The following UBFD1 variants were observed in gnomAD, a reference collection of about 807,000 sequenced individuals.
The protein encoded by UBFD1 is ubiquitin domain-containing protein UBFD1.
A neutral mutation model predicts 35.1 loss-of-function variants in UBFD1; 12 were observed. The ratio of observed to expected loss-of-function variants is 0.34; its 90% CI spans 0.22 to 0.55. UBFD1 has a LOEUF of 0.55. UBFD1 is among the 20% of genes least tolerant of loss of function. The probability of loss-of-function intolerance (pLI) is 0.89; values close to 1 mark genes in which losing one functional copy is unlikely to be tolerated. For synonymous variants in UBFD1, 178 were observed against 167.6 expected, an observed-to-expected ratio of 1.06 and a Z score of -0.48; for missense variants, 337 against 410.8, an observed-to-expected ratio of 0.82 and a Z score of 1.55.
chr16:23,566,735 C>T (rs1381403010), intron 5 of UBFD1: 3 of 383,314 alleles, frequency 7.8e-6, no homozygotes, highest in Admixed American at 4.2e-5. Context: ...TACAATTCTG[C>T]CCTCAGAGAC....
intron 4 of UBFD1, 42 bp downstream of exon 4, chr16:23,562,313 C>T (rs888714315): frequency 6.3e-6 from 10 of 1,580,292 alleles, no homozygotes; most frequent in South Asian, 1.1e-5. Context: ...AATGAGGCAG[C>T]CCCACCGTCT....
chr16:23,562,552 G>C, intron 4 of UBFD1, 73 bp from the exon 5 acceptor site: 1 of 1,413,132 alleles, frequency 7.1e-7, no homozygotes, highest in Non-Finnish European at 9.8e-7. Context: ...ACAGGCGTGA[G>C]CCACCGCGCT....
At position 23,574,275 on chromosome 16, in the gene UBFD1, G is replaced by A. The variant is rs946374389; in HGVS notation, c.*3685G>A. ...AATGCCTGTTTGGGAGGAGATGAAC[G>A]TATTTAGTCTATTAGATTTGCACTG... On this transcript the variant is annotated 3_prime_UTR_variant, in exon 7 of 7. Transcript: ENST00000395878. 4 of 152,628 alleles carry A rather than the reference G, an allele frequency of 2.6e-5. No homozygotes were observed. The highest frequency in any genetic ancestry group is 2.1e-4 in the South Asian group (1 of 4,810). The allele number at this position is 152,628 out of a possible 1,614,324, so 9.5% of individuals were successfully genotyped here.
intron 3 of UBFD1, among the ~76,000 whole-genome samples, chr16:23,560,867 C>G (rs575144452): frequency 6.6e-6 from 1 of 152,236 alleles, no homozygotes; most frequent in South Asian, 2.1e-4. Flanking sequence ...GTCTTGAAAC[C>G]GATTGAGTTT....
At chr16:23,562,313 C>A (rs888714315) in intron 4 of UBFD1, 42 bp downstream of exon 4, 76 of 1,580,202 alleles carry the variant, frequency 4.8e-5, no homozygotes, top group Non-Finnish European at 6.2e-5. Context: ...AATGAGGCAG[C>A]CCCACCGTCT....
chr16:23,563,445 A>G (rs76152717), intron 5 of UBFD1, among the ~76,000 whole-genome samples: 1,914 of 151,748 alleles, frequency 0.013, 15 homozygotes, highest in South Asian at 0.019. Flanking sequence ...CTTCCCCCAG[A>G]TGGTTACAAA....
At chr16:23,566,961 A>C in intron 5 of UBFD1, 26 bp from the exon 6 acceptor site, 1 of 1,611,288 alleles carries the variant, frequency 6.2e-7, no homozygotes, top group Non-Finnish European at 8.5e-7. Flanking sequence ...CCCTTTGAAT[A>C]ATCACTGTAA....
intron 4 of UBFD1, 78 bp downstream of exon 4, chr16:23,562,349 C>A: frequency 7.3e-7 from 1 of 1,367,550 alleles, no homozygotes; most frequent in Non-Finnish European, 1.0e-6. Context: ...CAATCCTGTC[C>A]CTTCTCTTTT....
At chr16:23,569,496 A>C (rs988789837) in intron 6 of UBFD1, 1 of 152,202 alleles carries the variant, frequency 6.6e-6, no homozygotes, top group Non-Finnish European at 1.5e-5. Flanking sequence ...CGGAGGTTGC[A>C]GTGAGCTGAG....
At chr16:23,569,430 C>CTG (rs1188189170) in intron 6 of UBFD1, 1 of 152,128 alleles carries the variant, frequency 6.6e-6, no homozygotes, top group Non-Finnish European at 1.5e-5. Context: ...TGGCGCGCAC[C>CTG]TGTAATCCCA....
intron 3 of UBFD1, 49 bp from the exon 4 acceptor site, chr16:23,562,157 G>T: frequency 1.3e-6 from 2 of 1,545,592 alleles, no homozygotes; most frequent in Non-Finnish European, 1.8e-6. Context: ...ATAGTAACAC[G>T]ACGAAATGTA....
At chr16:23,558,869 C>T (rs1173440947) in intron 2 of UBFD1, among the ~76,000 whole-genome samples, 1 of 151,776 alleles carries the variant, frequency 6.6e-6, no homozygotes, top group Non-Finnish European at 1.5e-5. Context: ...CAGCCTCCGC[C>T]TCCCAGGTTC....
rs564026859 is a variant in UBFD1 at position 23,570,785 on chromosome 16, A to G, written c.*195A>G. 4 of 480,886 alleles carry G rather than the reference A, an allele frequency of 8.3e-6. No individual in the cohort carries two copies. Among genetic ancestry groups the G allele is most frequent in the Non-Finnish European group, 1.5e-5 (4 of 270,520 alleles). The allele number at this position is 480,886 out of a possible 1,614,324, so 29.8% of individuals were successfully genotyped here. A position where few individuals can be genotyped will look rare whatever the true frequency, so the allele number is the denominator to read the frequency against. On this transcript the variant is annotated 3_prime_UTR_variant, in exon 7 of 7. Coordinates refer to ENST00000395878, the MANE Select transcript of UBFD1 (RefSeq NM_019116.3). ...AGCTTAATTTTAACTTAAAATTACC[A>G]GTTCCCTTTCTTGCAGTCAGCTTCA...
chr16:23,557,991 G>T lies in UBFD1; in HGVS notation c.67G>T (p.Ala23Ser), dbSNP rs1277953856. 1.5e-6 allele frequency: 2 copies of T among 1,370,096 alleles called. No individual in the cohort carries two copies. Among genetic ancestry groups the T allele is most frequent in the Non-Finnish European group, 1.9e-6 (2 of 1,065,208 alleles). 84.9% of individuals were successfully genotyped at this position (1,370,096 alleles called of 1,614,324 possible). ...CATGGACACGGAGGCCGAGACTGTG[G>T]CTACTGAGGCTCCCGCGCGGCCCGT... ...PGMDTEAETV[A>S]TEAPARPVNC... Residue 23 changes from alanine to serine, a missense_variant, in exon 2 of 7, where the codon GCT becomes TCT. This residue lies in a region of UBFD1 where 198 missense variants were observed against 168.4 expected (regional missense o/e 1.18). Transcript: ENST00000395878.
intron 3 of UBFD1, 70 bp from the exon 4 acceptor site, chr16:23,562,136 C>T (rs531790222): frequency 2.0e-5 from 28 of 1,429,446 alleles, no homozygotes; most frequent in African/African-American, 1.7e-4. Context: ...TTCATCCTCT[C>T]TTTCAAGGGA....
chr16:23,568,512 A>G (rs1263926453), intron 6 of UBFD1, among the ~76,000 whole-genome samples: 1 of 150,786 alleles, frequency 6.6e-6, no homozygotes, highest in Non-Finnish European at 1.5e-5. Flanking sequence ...TGGCCTGGTC[A>G]GTTATTTTTT....
At chr16:23,568,499 G>C (rs1966041358) in intron 6 of UBFD1, among the ~76,000 whole-genome samples, 1 of 151,538 alleles carries the variant, frequency 6.6e-6, no homozygotes, top group African/African-American at 2.4e-5. Context: ...AGACAAATTG[G>C]TTTGGCCTGG....
intron 5 of UBFD1, chr16:23,566,482 T>G (rs1443754411): frequency 6.6e-6 from 1 of 152,570 alleles, no homozygotes; most frequent in Non-Finnish European, 1.5e-5. Context: ...TGCTTCAGCC[T>G]CCTGAGTAGC....
chr16:23,562,154 C>A, intron 3 of UBFD1, 52 bp from the exon 4 acceptor site: 1 of 1,532,452 alleles, frequency 6.5e-7, no homozygotes, highest in Non-Finnish European at 9.0e-7. Context: ...GGAATAGTAA[C>A]ACGACGAAAT....
Sources: allele counts gnomAD v4.1 joint callset (sites outside exome capture counted in the v4.1 genomes callset), GRCh38; gene constraint gnomAD v4.1.1; regional missense constraint gnomAD v4.1.1; transcripts MANE v1.5; gene names NCBI Gene and HGNC (gene_info 2026-07-23, HGNC 2026-07-21).